STK31: variants seen among roughly 807,000 people sequenced by gnomAD.
The protein encoded by STK31 is serine/threonine-protein kinase 31.
Under a neutral mutation model 129.7 loss-of-function variants are expected in STK31, and 89 were observed. The observed-to-expected ratio is 0.69, with a 90% CI of 0.58 to 0.82. The LOEUF (loss-of-function observed/expected upper bound fraction) is 0.82, where lower values mean the gene tolerates loss of function less well. Among genes scored for constraint, STK31 ranks in the 40% least tolerant of loss-of-function variants. STK31 has a pLI of 0.00. For synonymous variants in STK31, 448 were observed against 395.3 expected (o/e 1.13, Z -1.58); for missense variants, 1,187 against 1,176.4 (o/e 1.01, Z -0.13).
At chr7:23,726,709 G>A (rs980703017) in intron 4 of STK31, among the ~76,000 whole-genome samples, 3 of 151,688 alleles carry the variant, frequency 2.0e-5, no homozygotes, top group Non-Finnish European at 2.9e-5. Flanking sequence ...ATAAAATAAA[G>A]TACAGTATTA....
chr7:23,768,658 A>C (rs1789981437), intron 11 of STK31, among the ~76,000 whole-genome samples: 1 of 152,192 alleles, frequency 6.6e-6, no homozygotes, highest in Non-Finnish European at 1.5e-5. Flanking sequence ...ACCACTACAC[A>C]ATATATCCAT....
At chr7:23,807,330 G>T (rs549496397) in intron 22 of STK31, among the ~76,000 whole-genome samples, 48 of 152,160 alleles carry the variant, frequency 3.2e-4, no homozygotes, top group Non-Finnish European at 6.6e-4. Context: ...TAGAATTCTG[G>T]ATTGGTAGTT....
intron 21 of STK31, among the ~76,000 whole-genome samples, chr7:23,789,418 C>T (rs1312895899): frequency 6.6e-6 from 1 of 152,072 alleles, no homozygotes; most frequent in African/African-American, 2.4e-5. Flanking sequence ...TTTGTTTTCT[C>T]TACATCCTTG....
At chr7:23,744,950 A>G (rs1788259523) in intron 8 of STK31, among the ~76,000 whole-genome samples, 1 of 152,156 alleles carries the variant, frequency 6.6e-6, no homozygotes, top group Admixed American at 6.5e-5. Context: ...GGGTGCTAGT[A>G]GCAGCAGTGG....
intron 11 of STK31, among the ~76,000 whole-genome samples, chr7:23,768,639 C>G (rs1789980449): frequency 6.6e-6 from 1 of 151,932 alleles, no homozygotes; most frequent in African/African-American, 2.4e-5. Context: ...ACACTAAAGC[C>G]CAGACTTTAC....
intron 4 of STK31, among the ~76,000 whole-genome samples, chr7:23,723,757 C>A (rs1786874931): frequency 6.6e-6 from 1 of 152,106 alleles, no homozygotes; most frequent in African/African-American, 2.4e-5. Flanking sequence ...GTCATGAGAA[C>A]AGATAAGTCT....
In STK31 at chr7:23,722,815, G is replaced by A. The variant is rs907316136; in HGVS notation, c.250-4426G>A. ...ACGCCCCTCCCCCAGCCTCGCCGCC[G>A]CCTTGCAGTTCATCTGAGACTGCTG... On this transcript the variant is annotated intron_variant, in intron 4 of 23. Transcript: ENST00000355870. The A allele has an allele frequency of 2.5e-3, 374 of 147,644 alleles. 2 individuals are homozygous for A. The highest frequency in any genetic ancestry group is 8.7e-3 in the African/African-American group (356 of 41,154). 9.1% of individuals were successfully genotyped at this position (147,644 alleles called of 1,614,324 possible).
chr7:23,805,816 C>G (rs1347084810), intron 22 of STK31, among the ~76,000 whole-genome samples: 1 of 152,142 alleles, frequency 6.6e-6, no homozygotes, highest in Non-Finnish European at 1.5e-5. Context: ...ATTATTATGT[C>G]TCTTTATAAC....
At chr7:23,742,768 T>C (rs1382430843) in intron 8 of STK31, among the ~76,000 whole-genome samples, 2 of 152,128 alleles carry the variant, frequency 1.3e-5, no homozygotes, top group East Asian at 3.9e-4. Flanking sequence ...CTGTTCAAAA[T>C]GTGTCTACTT....
rs765583747 is a variant in STK31, at chr7:23,785,535, A to G, written c.2206A>G (p.Met736Val). Residue 736 changes from methionine to valine, a missense_variant, in exon 18 of 24, where the codon ATG becomes GTG. Physicochemically the swap from Met to Val is conservative, Grantham distance 21 (BLOSUM62 1). Transcript: ENST00000355870. ...LERDLLDAEPMKELSSKRPLV... is the reference protein window; with the variant it reads ...LERDLLDAEPVKELSSKRPLV... The stretch of plus-strand genomic sequence containing the variant: ...ACGAGATCTTCTTGATGCTGAGCCC[A>G]TGAAGGAACTTAGCAGCAAGCGTCC... The G allele has an allele frequency of 8.7e-6, 14 of 1,613,954 alleles. No individual in the cohort carries two copies. Among genetic ancestry groups the G allele is most frequent in the Non-Finnish European group, 1.2e-5 (14 of 1,179,946 alleles).
At chr7:23,804,603 G>T (rs1584475380) in intron 22 of STK31, among the ~76,000 whole-genome samples, 2 of 151,852 alleles carry the variant, frequency 1.3e-5, no homozygotes, top group South Asian at 4.2e-4. Context: ...ATTTTATTCC[G>T]ACTCTTAATA....
chr7:23,797,064 C>T (rs980427242), intron 22 of STK31, among the ~76,000 whole-genome samples: 7 of 152,172 alleles, frequency 4.6e-5, no homozygotes, highest in Admixed American at 4.6e-4. Context: ...GAAGAGCTAA[C>T]TATCCTAAAT....
chr7:23,738,705 G>A (rs1313871984), intron 8 of STK31, among the ~76,000 whole-genome samples: 1 of 151,972 alleles, frequency 6.6e-6, no homozygotes, highest in East Asian at 1.9e-4. Flanking sequence ...ACAGGCACCC[G>A]CCGCCATGTC....
chr7:23,764,188 T>G (rs1031533678), intron 11 of STK31, among the ~76,000 whole-genome samples: 1 of 152,228 alleles, frequency 6.6e-6, no homozygotes, highest in Non-Finnish European at 1.5e-5. Context: ...AAAAGGGCAG[T>G]AATATAGTAA....
chr7:23,772,005 G>A (rs542389645), intron 14 of STK31, 142 bp from the exon 15 acceptor site: 201 of 540,718 alleles, frequency 3.7e-4, no homozygotes, highest in African/African-American at 3.7e-3. Context: ...GAATTGTCTT[G>A]TTGAAAATTA....
At chr7:23,727,933 A>G (rs1011349510) in intron 5 of STK31, among the ~76,000 whole-genome samples, 2 of 152,126 alleles carry the variant, frequency 1.3e-5, no homozygotes, top group African/African-American at 4.8e-5. Flanking sequence ...CTTTATAAGT[A>G]GGAGAAGAAC....
chr7:23,790,279 A>C (rs893849655), intron 21 of STK31, among the ~76,000 whole-genome samples: 1 of 152,116 alleles, frequency 6.6e-6, no homozygotes, highest in African/African-American at 2.4e-5. Context: ...ATTAAAAATA[A>C]ATTTTAAAAA....
intron 4 of STK31, among the ~76,000 whole-genome samples, chr7:23,719,918 T>TTA (rs1028094155): frequency 2.0e-5 from 3 of 152,154 alleles, no homozygotes; most frequent in African/African-American, 7.2e-5. Flanking sequence ...ACAATGCTGG[T>TTA]GGTAGTCCAT....
chr7:23,828,087 T>G (rs1794290883), intron 23 of STK31, among the ~76,000 whole-genome samples: 1 of 152,222 alleles, frequency 6.6e-6, no homozygotes, highest in Non-Finnish European at 1.5e-5. Context: ...GATCTCCAGC[T>G]GTGTGCTGGG....
Sources: gnomAD v4.1 joint callset for allele counts (sites outside exome capture counted in the v4.1 genomes callset) on GRCh38, gnomAD v4.1.1 for gene constraint, MANE v1.5 for transcripts, NCBI Gene and HGNC (gene_info 2026-07-23, HGNC 2026-07-21) for gene names.